TEX264: variants seen among roughly 807,000 people sequenced by gnomAD.
TEX264 encodes testis expressed 264, ER-phagy receptor, also known as testis-expressed protein 264.
In TEX264, 13 loss-of-function variants were observed where a neutral mutation model predicts 23.4. The observed-to-expected ratio is 0.56, with a 90% CI of 0.36 to 0.88. The LOEUF is 0.88. Ranked by LOEUF, TEX264 falls within the 40% of genes least tolerant of loss-of-function variation. The pLI is 0.01. For missense variants in TEX264, 340 were observed against 406.8 expected (o/e 0.84, Z 1.41); for synonymous variants, 159 against 170.0 (o/e 0.94, Z 0.50).
intron 3 of TEX264, among the ~76,000 whole-genome samples, chr3:51,694,919 A>G (rs1248003658): frequency 6.6e-6 from 1 of 152,130 alleles, no homozygotes; most frequent in Non-Finnish European, 1.5e-5. Flanking sequence ...GTGAGAGGAA[A>G]GTTTCCGGGC....
At chr3:51,673,327 A>G (rs976190256) in intron 1 of TEX264, among the ~76,000 whole-genome samples, 2 of 152,100 alleles carry the variant, frequency 1.3e-5, no homozygotes, top group African/African-American at 4.8e-5. Flanking sequence ...CCTCTGTGTA[A>G]GAGGGTTAGG....
In TEX264 at chr3:51,684,626, T is replaced by G; in HGVS notation, c.472T>G (p.Tyr158Asp). Residue 158 changes from tyrosine to aspartate, a missense_variant, in exon 3 of 5, where the codon TAC (tyrosine) becomes GAC (aspartate). Transcript: ENST00000341333. ...TRRVHPALDT[Y>D]IKERKLCAYP... is the part of the protein sequence containing the mutation. ...CCGTGTCCATCCTGCCTTGGACACC[T>G]ACATCAAGGTGAGGCACAGGCCTGG... The G allele has an allele frequency of 6.2e-7, 1 of 1,614,106 alleles. No individual in the cohort carries two copies. The highest frequency in any genetic ancestry group is 1.3e-5 in the African/African-American group (1 of 75,050).
chr3:51,674,682 A>C, intron 2 of TEX264, 120 bp downstream of exon 2: 1 of 1,216,680 alleles, frequency 8.2e-7, no homozygotes, highest in Non-Finnish European at 1.1e-6. Flanking sequence ...GGCCCTGCAG[A>C]CCCCTCCTCT....
At chr3:51,688,731 G>A (rs1702716635) in intron 3 of TEX264, among the ~76,000 whole-genome samples, 1 of 152,190 alleles carries the variant, frequency 6.6e-6, no homozygotes, top group Non-Finnish European at 1.5e-5. Flanking sequence ...AGAAAAGCGT[G>A]TAAGTAAGGA....
At chr3:51,697,201 G>T (rs749885607) in intron 3 of TEX264, among the ~76,000 whole-genome samples, 1 of 152,248 alleles carries the variant, frequency 6.6e-6, no homozygotes, top group African/African-American at 2.4e-5. Flanking sequence ...CAGAACAGCC[G>T]CAGAGCTGCC....
intron 3 of TEX264, among the ~76,000 whole-genome samples, chr3:51,693,088 C>T (rs1235806437): frequency 2.0e-5 from 3 of 152,222 alleles, no homozygotes; most frequent in Admixed American, 6.5e-5. Flanking sequence ...GTTTCCCCAC[C>T]CCTCAATACC....
At chr3:51,701,709 G>A (rs1256489555) in intron 4 of TEX264, among the ~76,000 whole-genome samples, 2 of 152,088 alleles carry the variant, frequency 1.3e-5, no homozygotes, top group African/African-American at 2.4e-5. Context: ...TTGGCTCACT[G>A]CAACCTCCAC....
intron 3 of TEX264, among the ~76,000 whole-genome samples, chr3:51,689,774 A>T (rs1702761625): frequency 1.3e-5 from 2 of 152,294 alleles, no homozygotes; most frequent in South Asian, 2.1e-4. Flanking sequence ...GATCCTGAGG[A>T]TGCTGTAACT....
At chr3:51,693,295 C>T (rs778373276) in intron 3 of TEX264, among the ~76,000 whole-genome samples, 33 of 152,162 alleles carry the variant, frequency 2.2e-4, no homozygotes, top group Non-Finnish European at 2.6e-4. Context: ...CACAGCACAC[C>T]GTCTCCCGCC....
At chr3:51,698,771 A>C (rs1703166544) in intron 3 of TEX264, among the ~76,000 whole-genome samples, 1 of 152,132 alleles carries the variant, frequency 6.6e-6, no homozygotes, top group African/African-American at 2.4e-5. Context: ...TGGGAACCAT[A>C]CCTGATAGTC....
In TEX264 at chr3:51,704,018, C is replaced by T. The variant is rs1476225953; in HGVS notation, c.*2C>T. 1 of 1,508,522 alleles carries T rather than the reference C, an allele frequency of 6.6e-7. No individual in the cohort carries two copies. Among genetic ancestry groups the T allele is most frequent in the Non-Finnish European group, 8.9e-7 (1 of 1,129,452 alleles). The allele number at this position is 1,508,522 out of a possible 1,614,324, so 93.4% of individuals were successfully genotyped here. ...GCCCCTGAGAAGGGCAAGGAGTAAC[C>T]CATGGCCTGCACCCTCCTGCAGTGC... On this transcript the variant is annotated 3_prime_UTR_variant, in exon 5 of 5. Transcript: ENST00000341333.
At position 51,691,484 on chromosome 3, in the gene TEX264, T is replaced by C. The variant is rs1702825488; in HGVS notation, c.480+6850T>C. On this transcript the variant is annotated intron_variant, in intron 3 of 4. Coordinates refer to ENST00000341333, the MANE Select transcript of TEX264 (RefSeq NM_015926.6). The surrounding 1 kb of genome is among the most constrained non-coding windows in gnomAD (Gnocchi z 4.4). ...TGCCTGGGTGTGGGGAGGGGAGGGA[T>C]AGATTCGCTGGGAAAGGCAAAACAA... Among the ~76,000 whole-genome samples the C allele has an allele frequency of 1.3e-5, 2 of 152,114 alleles. No individual in the cohort carries two copies. Among genetic ancestry groups the C allele is most frequent in the Middle Eastern group, 3.4e-3 (1 of 292 alleles).
At position 51,691,636 on chromosome 3, in the gene TEX264, G is replaced by A. The variant is rs985751640; in HGVS notation, c.480+7002G>A. 2.0e-5 allele frequency among the ~76,000 whole-genome samples: 3 copies of A among 152,166 alleles called. No individual in the cohort carries two copies. The highest frequency in any genetic ancestry group is 2.9e-5 in the Non-Finnish European group (2 of 68,036). ...GGCTTGTGTATCCAGTGAGGCTGGA[G>A]TACAGGAGAGGAGCAAGAGTTTGGG... On this transcript the variant is annotated intron_variant, in intron 3 of 4. Coordinates refer to ENST00000341333, the MANE Select transcript of TEX264 (RefSeq NM_015926.6). The surrounding 1 kb of genome is among the most constrained non-coding windows in gnomAD (Gnocchi z 4.4).
Position 51,682,101 on chromosome 3 carries a change from A to G in TEX264, c.259-2312A>G, listed in dbSNP as rs562753351. On this transcript the variant is annotated intron_variant, in intron 2 of 4. Transcript: ENST00000341333. Reference sequence around the variant, plus strand: ...TAAGTGACCTTTCATCCGTTTCTCCATATGACTTATGTAGATGTTTCTTTT... The same window carrying G: ...TAAGTGACCTTTCATCCGTTTCTCCGTATGACTTATGTAGATGTTTCTTTT... 12 of 152,358 alleles carry G rather than the reference A, an allele frequency of 7.9e-5. No individual in the cohort carries two copies. The East Asian group carries it at 1.9e-3, about 24-fold the overall frequency. The allele number at this position is 152,358 out of a possible 1,614,324, so 9.4% of individuals were successfully genotyped here. A position where few individuals can be genotyped will look rare whatever the true frequency, so the allele number is the denominator to read the frequency against.
At chr3:51,676,317 T>C (rs188774007) in intron 2 of TEX264, among the ~76,000 whole-genome samples, 1 of 152,302 alleles carries the variant, frequency 6.6e-6, no homozygotes, top group African/African-American at 2.4e-5. Flanking sequence ...TGCTAATTCC[T>C]GGATGGGAAA....
chr3:51,684,099 C>T, intron 2 of TEX264: 1 of 386,698 alleles, frequency 2.6e-6, no homozygotes, highest in Admixed American at 4.1e-5. Flanking sequence ...CAGAGGTCCT[C>T]TCCGCCCTTC....
intron 3 of TEX264, among the ~76,000 whole-genome samples, 190 bp downstream of exon 3, chr3:51,684,824 A>T (rs1338459577): frequency 6.6e-6 from 1 of 152,210 alleles, no homozygotes; most frequent in Non-Finnish European, 1.5e-5. Context: ...GATGCCCAAG[A>T]TCTTTTGGAA....
At chr3:51,684,284 A>G in intron 2 of TEX264, 129 bp from the exon 3 acceptor site, 1 of 782,986 alleles carries the variant, frequency 1.3e-6, no homozygotes, top group Non-Finnish European at 2.1e-6. Flanking sequence ...GTGTCCTGGT[A>G]TCTGGGGCTG....
chr3:51,684,753 C>A, intron 3 of TEX264, 119 bp downstream of exon 3: 1 of 922,246 alleles, frequency 1.1e-6, no homozygotes, highest in Non-Finnish European at 1.7e-6. Context: ...CCCTGGGGCC[C>A]TCATGGAACA....
Sources: gnomAD v4.1 joint callset for allele counts (sites outside exome capture counted in the v4.1 genomes callset) on GRCh38, gnomAD v4.1.1 for gene constraint, Gnocchi (gnomAD v3.1) non-coding constraint, MANE v1.5 for transcripts, NCBI Gene and HGNC (gene_info 2026-07-23, HGNC 2026-07-21) for gene names.